The following TOX variants were observed in gnomAD, a reference collection of about 807,000 sequenced individuals.
The protein encoded by TOX is thymocyte selection associated high mobility group box.
A neutral mutation model predicts 53.7 loss-of-function variants in TOX; 11 were observed. That is an observed-to-expected ratio of 0.20 (90% CI 0.13 to 0.34). The LOEUF (loss-of-function observed/expected upper bound fraction) is 0.34. TOX is among the 10% of genes least tolerant of loss of function. The probability of loss-of-function intolerance (pLI) is 1.00; values close to 1 mark genes in which losing one functional copy is unlikely to be tolerated. For synonymous variants in TOX, 225 were observed against 245.3 expected, an observed-to-expected ratio of 0.92 and a Z score of 0.77; for missense variants, 570 against 664.6, an observed-to-expected ratio of 0.86 and a Z score of 1.56.
chr8:58,934,516 AAGTT>A (rs1812313138), intron 3 of TOX, among the ~76,000 whole-genome samples: 3 of 152,194 alleles, frequency 2.0e-5, no homozygotes, highest in Non-Finnish European at 4.4e-5. Flanking sequence ...GAGGCACAAA[AAGTT>A]ACTCACGGTC....
intron 3 of TOX, among the ~76,000 whole-genome samples, chr8:58,901,477 A>G (rs1039517445): frequency 6.6e-6 from 1 of 152,176 alleles, no homozygotes; most frequent in Non-Finnish European, 1.5e-5. Flanking sequence ...GAAATCTTTC[A>G]TTATGCATGT....
At chr8:59,036,893 CGT>C (rs1814469518) in intron 1 of TOX, among the ~76,000 whole-genome samples, 1 of 152,114 alleles carries the variant, frequency 6.6e-6, no homozygotes, top group South Asian at 2.1e-4. Context: ...ACATAGACCC[CGT>C]GTGTGTCTAA....
chr8:59,020,729 C>T (rs1814108794), intron 1 of TOX, among the ~76,000 whole-genome samples: 1 of 152,104 alleles, frequency 6.6e-6, no homozygotes, highest in Admixed American at 6.6e-5. Context: ...CATACCATTA[C>T]ATTATGTACC....
At position 59,075,962 on chromosome 8, in the gene TOX, G is replaced by A. The variant is rs1032192625; in HGVS notation, c.102+42924C>T. ...GGAGGTTGCGGTGAGCCCAGATCGC[G>A]CCATTGCACTCCAGCCTGGGCAACA... On this transcript the variant is annotated intron_variant, in intron 1 of 8. Transcript: ENST00000361421. Among the ~76,000 whole-genome samples the A allele has an allele frequency of 5.3e-5, 8 of 150,456 alleles. No homozygotes were observed. In the South Asian group the frequency reaches 8.4e-4, roughly 16 times the overall value.
At chr8:58,960,443 A>G (rs1328663740) in intron 1 of TOX, among the ~76,000 whole-genome samples, 1 of 152,222 alleles carries the variant, frequency 6.6e-6, no homozygotes, top group Non-Finnish European at 1.5e-5. Context: ...TTAGCTCTCA[A>G]AAAAGAAAAA....
chr8:58,987,486 T>A (rs977040732), intron 1 of TOX, among the ~76,000 whole-genome samples: 2 of 152,164 alleles, frequency 1.3e-5, no homozygotes, highest in Non-Finnish European at 2.9e-5. Context: ...ATGGCACAAG[T>A]ACCAACTTTG....
chr8:59,050,328 T>G (rs1002393302), intron 1 of TOX, among the ~76,000 whole-genome samples: 1 of 152,114 alleles, frequency 6.6e-6, no homozygotes, highest in Non-Finnish European at 1.5e-5. Flanking sequence ...CCTTCCAGGA[T>G]TGTTGTTAGA....
chr8:58,980,933 T>A (rs1813194258), intron 1 of TOX, among the ~76,000 whole-genome samples: 2 of 152,200 alleles, frequency 1.3e-5, no homozygotes, highest in Admixed American at 1.3e-4. Flanking sequence ...CTACATCATC[T>A]GCTTATTCCA....
At chr8:58,960,429 G>T (rs887595650) in intron 1 of TOX, among the ~76,000 whole-genome samples, 1 of 152,172 alleles carries the variant, frequency 6.6e-6, no homozygotes, top group Non-Finnish European at 1.5e-5. Context: ...GGTGCATTCT[G>T]AGTTTAGCTC....
At chr8:59,110,458 T>C (rs1365692995) in intron 1 of TOX, among the ~76,000 whole-genome samples, 1 of 152,110 alleles carries the variant, frequency 6.6e-6, no homozygotes, top group Non-Finnish European at 1.5e-5. Flanking sequence ...TTTAATTGAG[T>C]TAACAGACTT....
chr8:58,895,375 T>C (rs1811626596), intron 3 of TOX, among the ~76,000 whole-genome samples: 1 of 152,202 alleles, frequency 6.6e-6, no homozygotes, highest in African/African-American at 2.4e-5. Flanking sequence ...CAATTATATA[T>C]AAGCAAACGT....
intron 2 of TOX, among the ~76,000 whole-genome samples, chr8:58,957,958 T>C (rs1563400760): frequency 1.3e-5 from 2 of 152,210 alleles, no homozygotes; most frequent in Non-Finnish European, 2.9e-5. Context: ...GTGTAAAATT[T>C]AGCTAAGGCC....
At chr8:58,932,027 T>C (rs1812263160) in intron 3 of TOX, among the ~76,000 whole-genome samples, 1 of 152,322 alleles carries the variant, frequency 6.6e-6, no homozygotes, top group Non-Finnish European at 1.5e-5. Flanking sequence ...CATTGAACTA[T>C]ATCAATACCA....
At chr8:59,014,904 T>C (rs192764058) in intron 1 of TOX, among the ~76,000 whole-genome samples, 11 of 152,284 alleles carry the variant, frequency 7.2e-5, no homozygotes, top group African/African-American at 2.2e-4. Flanking sequence ...CAAAACCATA[T>C]GCAACTCAAA....
intron 1 of TOX, among the ~76,000 whole-genome samples, chr8:59,094,384 T>C (rs998390655): frequency 6.6e-6 from 1 of 152,062 alleles, no homozygotes. Context: ...ACATCTGTAG[T>C]CCCAGCACTC....
chr8:58,843,073 G>A (rs1810671087), intron 4 of TOX, among the ~76,000 whole-genome samples: 1 of 152,176 alleles, frequency 6.6e-6, no homozygotes, highest in Admixed American at 6.5e-5. Context: ...TAAAGCTATG[G>A]TGTTGCCCCC....
chr8:58,912,221 T>C (rs1029891373), intron 3 of TOX, among the ~76,000 whole-genome samples: 8 of 152,266 alleles, frequency 5.3e-5, no homozygotes, highest in African/African-American at 1.9e-4. Flanking sequence ...CAATTTACTT[T>C]AATTTACTCC....
chr8:59,102,396 T>A (rs1410180236), intron 1 of TOX, among the ~76,000 whole-genome samples: 2 of 152,076 alleles, frequency 1.3e-5, no homozygotes, highest in Admixed American at 1.3e-4. Context: ...CCTGGCTGAT[T>A]TTTGTGTTTT....
intron 1 of TOX, among the ~76,000 whole-genome samples, chr8:58,987,953 A>C (rs1181234412): frequency 6.6e-6 from 1 of 152,234 alleles, no homozygotes; most frequent in African/African-American, 2.4e-5. Context: ...AGCTGGCCTA[A>C]ATGACATAAC....
Sources: gnomAD v4.1 joint callset for allele counts (sites outside exome capture counted in the v4.1 genomes callset) on GRCh38, gnomAD v4.1.1 for gene constraint, MANE v1.5 for transcripts, NCBI Gene and HGNC (gene_info 2026-07-23, HGNC 2026-07-21) for gene names.